The following ZEB2 variants were observed in gnomAD, a reference collection of about 807,000 sequenced individuals.
ZEB2 encodes the protein zinc finger E-box binding homeobox 2, also known as zinc finger E-box-binding homeobox 2.
A neutral mutation model predicts 99.9 loss-of-function variants in ZEB2; 6 were observed. The ratio of observed to expected loss-of-function variants is 0.06; its 90% confidence interval spans 0.03 to 0.12. The LOEUF (loss-of-function observed/expected upper bound fraction) is 0.12. Ranked by LOEUF, ZEB2 falls within the 10% of genes least tolerant of loss-of-function variation. ZEB2 has a pLI of 1.00. For synonymous variants in ZEB2, 517 were observed against 542.5 expected, an observed-to-expected ratio of 0.95 and a Z score of 0.65; for missense variants, 969 against 1,502.8, an observed-to-expected ratio of 0.64 and a Z score of 5.87.
At chr2:144,445,876 C>T (rs529753039) in intron 2 of ZEB2, among the ~76,000 whole-genome samples, 1 of 152,300 alleles carries the variant, frequency 6.6e-6, no homozygotes, top group East Asian at 1.9e-4. Context: ...TTACTAGAAG[C>T]TCTGCTGTGT....
At chr2:144,475,256 A>G (rs1165106029) in intron 2 of ZEB2, among the ~76,000 whole-genome samples, 1 of 152,100 alleles carries the variant, frequency 6.6e-6, no homozygotes, top group East Asian at 1.9e-4. Flanking sequence ...ACCATCTCAG[A>G]TTTCACTGCT....
rs1302375228 is a variant in ZEB2, at chr2:144,399,230, T to C, written c.1957A>G (p.Lys653Glu). The C allele has an allele frequency of 6.2e-7, 1 of 1,614,010 alleles. No homozygotes were observed. The change falls in exon 8 of 10, where the codon AAG becomes GAG. Residue 653 changes from lysine to glutamate, a missense_variant. By Grantham distance (56) the Lys-to-Glu change is moderately conservative. Coordinates refer to ENST00000627532, the MANE Select transcript of ZEB2 (RefSeq NM_014795.4). This position sits in a 1 kb window ranked among gnomAD's most constrained non-coding sequence, Gnocchi z 5.6. ...GCTTTGAGTACAGACATGTGGTCCT[T>C]GTATGGGTTGATGGGGCTTGTCATT... Reference protein sequence around the residue: ...KGMTSPINPYKDHMSVLKAYY... With the variant: ...KGMTSPINPYEDHMSVLKAYY...
intron 2 of ZEB2, among the ~76,000 whole-genome samples, chr2:144,440,173 C>T (rs1002098428): frequency 2.6e-5 from 4 of 152,130 alleles, no homozygotes; most frequent in Non-Finnish European, 5.9e-5. Context: ...CTATGAAATG[C>T]ACAAAGGTTC....
intron 6 of ZEB2, among the ~76,000 whole-genome samples, chr2:144,403,409 G>C (rs915771735): frequency 1.1e-4 from 17 of 151,664 alleles, no homozygotes; most frequent in African/African-American, 4.1e-4. Context: ...ATGCCTTTTT[G>C]ATTTTCCTTA....
At chr2:144,402,869 C>A (rs140213064) in intron 6 of ZEB2, among the ~76,000 whole-genome samples, 1,898 of 152,224 alleles carry the variant, frequency 0.012, 42 homozygotes, top group African/African-American at 0.043. Flanking sequence ...GAGCTGTTCT[C>A]CTAAAATAGT....
At chr2:144,453,881 C>CA (rs1704086229) in intron 2 of ZEB2, among the ~76,000 whole-genome samples, 1 of 152,130 alleles carries the variant, frequency 6.6e-6, no homozygotes, top group Non-Finnish European at 1.5e-5. Context: ...TTAGGGAATA[C>CA]AACTAAAGAA....
At position 144,400,022 on chromosome 2, in the gene ZEB2, T is replaced by G. The variant is rs774574101; in HGVS notation, c.1165A>C (p.Lys389Gln). The G allele has an allele frequency of 1.9e-6, 3 of 1,614,238 alleles. No individual in the cohort carries two copies. In the East Asian group the frequency reaches 6.7e-5, roughly 36 times the overall value. ...AAGTCTAGTGGTTCTGTTTTAATTT[T>G]AAGTAAGCCTGTCTGTTCAGACATA... ...LSMSEQTGLLKIKTEPLDFND... is the reference protein window; with the variant it reads ...LSMSEQTGLLQIKTEPLDFND... The change falls in exon 8 of 10, where the codon AAA becomes CAA. Residue 389 changes from lysine to glutamine, a missense_variant. Coordinates refer to ENST00000627532, the MANE Select transcript of ZEB2 (RefSeq NM_014795.4).
At chr2:144,513,548 T>C (rs1705077588) in intron 2 of ZEB2, 1 of 1,529,562 alleles carries the variant, frequency 6.5e-7, no homozygotes, top group African/African-American at 1.4e-5. Context: ...AGTTTCCGGA[T>C]TTGATTTTTG....
chr2:144,483,811 C>G (rs1278307459), intron 2 of ZEB2, among the ~76,000 whole-genome samples: 3 of 152,154 alleles, frequency 2.0e-5, no homozygotes, highest in Admixed American at 2.0e-4. Context: ...CTCCCATTAT[C>G]AAATTTCAAA....
chr2:144,426,340 A>AT (rs1703690303), intron 3 of ZEB2, among the ~76,000 whole-genome samples: 1 of 152,150 alleles, frequency 6.6e-6, no homozygotes, highest in South Asian at 2.1e-4. Flanking sequence ...GCAAGGAATC[A>AT]TATTAAGGTA....
At chr2:144,411,591 C>T (rs1444377056) in intron 4 of ZEB2, among the ~76,000 whole-genome samples, 4 of 152,182 alleles carry the variant, frequency 2.6e-5, no homozygotes, top group Admixed American at 1.3e-4. Context: ...GCTACATGGG[C>T]GGCCTCGCAG....
intron 4 of ZEB2, among the ~76,000 whole-genome samples, chr2:144,413,789 C>T (rs1218798566): frequency 1.3e-5 from 2 of 152,184 alleles, no homozygotes; most frequent in African/African-American, 4.8e-5. Flanking sequence ...CCACTCAACT[C>T]TTGCAGAGAA....
chr2:144,520,053 CTG>C lies in ZEB2; in HGVS notation c.-186_-185del, dbSNP rs1281429333. On this transcript the variant is annotated 5_prime_UTR_variant, in exon 1 of 10. Transcript: ENST00000627532. ...GCGAAGAAACAGCTCCCGGAGCAAA[CTG>C]TACAAAAACCTCGCCAAGAGTGTCG... The C allele has an allele frequency of 4.4e-6, 2 of 454,526 alleles. No individual in the cohort carries two copies. The highest frequency in any genetic ancestry group is 8.8e-6 in the Non-Finnish European group (2 of 226,798). 28.2% of individuals were successfully genotyped at this position (454,526 alleles called of 1,614,324 possible). A position where few individuals can be genotyped will look rare whatever the true frequency, so the allele number is the denominator to read the frequency against.
At position 144,389,691 on chromosome 2, in the gene ZEB2, C is replaced by A; in HGVS notation, c.3405G>T (p.Glu1135Asp). ...EERESMPRDG[E>D]SEKEHEKEGE... ...CTTCTTTCTCGTGCTCCTTCTCGCT[C>A]TCGCCATCCCTCGGCATACTCTCCC... Residue 1135 changes from glutamate to aspartate, a missense_variant, in exon 10 of 10, where the codon GAG (glutamate) becomes GAT (aspartate). This residue lies in a region of ZEB2 where 121 missense variants were observed against 166.4 expected (regional missense o/e 0.73). Transcript: ENST00000627532. The surrounding 1 kb of genome is among the most constrained non-coding windows in gnomAD (Gnocchi z 6.8). 6.2e-7 allele frequency: 1 copy of A among 1,614,090 alleles called. No homozygotes were observed. The highest frequency in any genetic ancestry group is 1.7e-5 in the Admixed American group (1 of 60,020).
intron 2 of ZEB2, among the ~76,000 whole-genome samples, chr2:144,459,281 A>AT (rs1450263923): frequency 6.6e-6 from 1 of 152,150 alleles, no homozygotes; most frequent in Non-Finnish European, 1.5e-5. Context: ...GGAGAGTAAG[A>AT]TAAATGAAAA....
chr2:144,433,793 C>G (rs1054233718), intron 2 of ZEB2, among the ~76,000 whole-genome samples: 1 of 152,162 alleles, frequency 6.6e-6, no homozygotes, highest in African/African-American at 2.4e-5. Context: ...AATGGTTTCT[C>G]TTCCTTGCCT....
chr2:144,456,596 A>T (rs1367189746), intron 2 of ZEB2, among the ~76,000 whole-genome samples: 2 of 152,096 alleles, frequency 1.3e-5, no homozygotes, highest in Non-Finnish European at 2.9e-5. Flanking sequence ...TGTAAAAAAA[A>T]TTATGTAAAA....
chr2:144,445,614 GC>G (rs1173913846), intron 2 of ZEB2, among the ~76,000 whole-genome samples: 1 of 152,124 alleles, frequency 6.6e-6, no homozygotes. Flanking sequence ...AACCAAGAAT[GC>G]CTTTCCTCCC....
At chr2:144,486,820 C>T (rs1159104009) in intron 2 of ZEB2, among the ~76,000 whole-genome samples, 2 of 152,104 alleles carry the variant, frequency 1.3e-5, no homozygotes, top group African/African-American at 4.8e-5. Flanking sequence ...TTAACAAGCA[C>T]AAAACTAAAC....
Sources: gnomAD v4.1 joint callset for allele counts (sites outside exome capture counted in the v4.1 genomes callset) on GRCh38, gnomAD v4.1.1 for gene constraint, gnomAD v4.1.1 regional missense constraint, Gnocchi (gnomAD v3.1) non-coding constraint, MANE v1.5 for transcripts, NCBI Gene and HGNC (gene_info 2026-07-23, HGNC 2026-07-21) for gene names.